Variants in SDK1 observed in about 807,000 individuals in gnomAD.
SDK1 encodes sidekick cell adhesion molecule 1.
In SDK1, 157 loss-of-function variants were observed where a neutral mutation model predicts 245.5. The ratio of observed to expected loss-of-function variants is 0.64; its 90% CI spans 0.56 to 0.73. The LOEUF is 0.73. SDK1 is among the 30% of genes least tolerant of loss of function. The pLI is 0.00. For missense variants in SDK1, 3,583 were observed against 3,002.3 expected, an observed-to-expected ratio of 1.19 and a Z score of -4.52; for synonymous variants, 1,647 against 1,278.5, an observed-to-expected ratio of 1.29 and a Z score of -6.15.
intron 1 of SDK1, among the ~76,000 whole-genome samples, chr7:3,520,118 C>T (rs73035936): frequency 0.096 from 14,601 of 152,212 alleles, 955 homozygotes; most frequent in African/African-American, 0.18. Context: ...AGTAAAAATG[C>T]TAGATATCAA....
chr7:4,131,168 G>A (rs1352241807), intron 27 of SDK1, among the ~76,000 whole-genome samples: 3 of 152,182 alleles, frequency 2.0e-5, no homozygotes, highest in Admixed American at 6.5e-5. Context: ...GTAAAAATGG[G>A]CCTATTAGAA....
At chr7:4,013,992 C>A (rs541174894) in intron 16 of SDK1, among the ~76,000 whole-genome samples, 1 of 152,374 alleles carries the variant, frequency 6.6e-6, no homozygotes, top group South Asian at 2.1e-4. Flanking sequence ...CCGCCTGCGG[C>A]CGAGGGCTCC....
intron 4 of SDK1, among the ~76,000 whole-genome samples, chr7:3,811,080 A>G (rs1445225632): frequency 6.6e-6 from 1 of 152,232 alleles, no homozygotes; most frequent in Non-Finnish European, 1.5e-5. Context: ...TGCCAGTCAC[A>G]TTCTACACCT....
At chr7:3,967,267 T>A in intron 9 of SDK1, 51 bp from the exon 10 acceptor site, 1 of 1,413,900 alleles carries the variant, frequency 7.1e-7, no homozygotes, top group Non-Finnish European at 1.0e-6. Flanking sequence ...CAGGCTGATG[T>A]GAGCCTCTCA....
chr7:3,502,514 G>T (rs1459252382), intron 1 of SDK1, among the ~76,000 whole-genome samples: 1 of 152,164 alleles, frequency 6.6e-6, no homozygotes, highest in Non-Finnish European at 1.5e-5. Flanking sequence ...CTCCCAAAGT[G>T]CTGGGATTAC....
intron 4 of SDK1, among the ~76,000 whole-genome samples, chr7:3,702,166 T>C (rs935798343): frequency 6.6e-6 from 1 of 152,150 alleles, no homozygotes; most frequent in Non-Finnish European, 1.5e-5. Context: ...TTAAAACATC[T>C]GCTCTGCAAG....
chr7:3,520,166 T>C (rs1782887214), intron 1 of SDK1, among the ~76,000 whole-genome samples: 2 of 152,138 alleles, frequency 1.3e-5, no homozygotes, highest in African/African-American at 2.4e-5. Flanking sequence ...CCTCTGGGGG[T>C]TACATGTATA....
chr7:3,408,078 C>T (rs1326665353), intron 1 of SDK1, among the ~76,000 whole-genome samples: 1 of 151,968 alleles, frequency 6.6e-6, no homozygotes, highest in East Asian at 1.9e-4. Context: ...CTTGCTGTCA[C>T]CCAGGCTGGA....
chr7:3,713,367 G>T (rs997690206), intron 4 of SDK1, among the ~76,000 whole-genome samples: 4 of 152,154 alleles, frequency 2.6e-5, no homozygotes, highest in African/African-American at 9.7e-5. Flanking sequence ...AAGAAAGAAA[G>T]AGCCTACAAA....
At position 3,440,301 on chromosome 7, in the gene SDK1, C is replaced by T. The variant is rs117914100; in HGVS notation, c.298+138417C>T. ...TTTTCAAATGAAGGAGTCCACCTTG[C>T]TTAGTTCAGGTTGCTCAGTGCAAGT... On this transcript the variant is annotated intron_variant, in intron 1 of 44. Coordinates refer to ENST00000404826, the MANE Select transcript of SDK1 (RefSeq NM_152744.4). 2.2e-3 allele frequency among the ~76,000 whole-genome samples: 335 copies of T among 152,272 alleles called. 7 individuals are homozygous for T. In the East Asian group the frequency reaches 0.054, roughly 25 times the overall value.
intron 40 of SDK1, chr7:4,227,476 C>A: frequency 2.1e-6 from 1 of 468,380 alleles, no homozygotes; most frequent in Admixed American, 2.4e-5. Flanking sequence ...TTAAGCGCCA[C>A]CAGCTTCAGT....
chr7:4,138,091 A>C (rs768617252), intron 28 of SDK1, among the ~76,000 whole-genome samples: 2 of 152,220 alleles, frequency 1.3e-5, no homozygotes, highest in Non-Finnish European at 2.9e-5. Context: ...AATAGAACAC[A>C]CAGGCCAAGG....
intron 1 of SDK1, among the ~76,000 whole-genome samples, chr7:3,320,320 A>C (rs1389915370): frequency 6.6e-6 from 1 of 151,790 alleles, no homozygotes; most frequent in Non-Finnish European, 1.5e-5. Flanking sequence ...CATATTATAC[A>C]TACTTTGAAC....
intron 9 of SDK1, among the ~76,000 whole-genome samples, chr7:3,964,207 G>T (rs553317346): frequency 3.9e-4 from 59 of 152,334 alleles, no homozygotes; most frequent in African/African-American, 1.4e-3. Flanking sequence ...GGCAGACCAG[G>T]AGAGCCAGCT....
intron 1 of SDK1, among the ~76,000 whole-genome samples, chr7:3,437,293 G>A (rs948352989): frequency 1.3e-5 from 2 of 151,964 alleles, no homozygotes; most frequent in African/African-American, 2.4e-5. Context: ...AGATTTGAGG[G>A]GTGGGCCTTG....
At chr7:4,158,381 C>A in intron 30 of SDK1, 67 bp from the exon 31 acceptor site, 1 of 1,332,000 alleles carries the variant, frequency 7.5e-7, no homozygotes. Flanking sequence ...CAGGGCTTCA[C>A]CAGGAATGCC....
At chr7:3,837,706 A>G (rs376215132) in intron 5 of SDK1, among the ~76,000 whole-genome samples, 17 of 152,166 alleles carry the variant, frequency 1.1e-4, no homozygotes, top group Admixed American at 2.6e-4. Flanking sequence ...AATGTTCTCT[A>G]TTTTTACATG....
At chr7:3,689,682 C>G (rs1272876247) in intron 4 of SDK1, among the ~76,000 whole-genome samples, 1 of 152,154 alleles carries the variant, frequency 6.6e-6, no homozygotes, top group Non-Finnish European at 1.5e-5. Flanking sequence ...CTCTCTGTTT[C>G]TTACTTTAGT....
intron 1 of SDK1, among the ~76,000 whole-genome samples, chr7:3,503,010 T>G (rs1782268113): frequency 6.6e-6 from 1 of 152,222 alleles, no homozygotes; most frequent in Non-Finnish European, 1.5e-5. Context: ...GGTGATGTTA[T>G]TAATATTATG....
Sources: gnomAD v4.1 joint callset for allele counts (sites outside exome capture counted in the v4.1 genomes callset) on GRCh38, gnomAD v4.1.1 for gene constraint, MANE v1.5 for transcripts, NCBI Gene and HGNC (gene_info 2026-07-23, HGNC 2026-07-21) for gene names.